The following MYOM3 variants were observed in gnomAD, a reference collection of about 807,000 sequenced individuals.
The protein encoded by MYOM3 is myomesin 3.
A neutral mutation model predicts 191.7 loss-of-function variants in MYOM3; 155 were observed. The ratio of observed to expected loss-of-function variants is 0.81; its 90% CI spans 0.71 to 0.92. MYOM3 has a LOEUF of 0.92. Among genes scored for constraint, MYOM3 ranks in the 40% least tolerant of loss-of-function variants. The probability of loss-of-function intolerance (pLI) is 0.00; values close to 1 mark genes in which losing one functional copy is unlikely to be tolerated. For missense variants in MYOM3, 1,889 were observed against 1,890.6 expected (o/e 1.00, Z 0.02); for synonymous variants, 757 against 762.9 (o/e 0.99, Z 0.13).
rs1643384026 is a variant in MYOM3, at chr1:24,062,594, G to C, written c.3771-485C>G. On this transcript the variant is annotated intron_variant, in intron 32 of 36. Coordinates refer to ENST00000374434, the MANE Select transcript of MYOM3 (RefSeq NM_152372.4). Reference sequence around the variant, plus strand: ...CTGTTGGATTATCTGGGGCCACTCAGAGAGTGGCTGAGTCTCTGTGGGTAC... The same window carrying C: ...CTGTTGGATTATCTGGGGCCACTCACAGAGTGGCTGAGTCTCTGTGGGTAC... Among the ~76,000 whole-genome samples the C allele has an allele frequency of 2.0e-5, 3 of 152,208 alleles. No homozygotes were observed. The South Asian group carries it at 6.2e-4, about 32-fold the overall frequency.
intron 20 of MYOM3, among the ~76,000 whole-genome samples, chr1:24,078,123 AT>A (rs34824932): frequency 1.3e-3 from 186 of 145,780 alleles, no homozygotes; most frequent in Middle Eastern, 3.5e-3. Context: ...ATTTTTAGAG[AT>A]TTTTTTTTTT....
chr1:24,090,113 G>T lies in MYOM3; in HGVS notation c.1438C>A (p.Pro480Thr). Residue 480 changes from proline to threonine, a missense_variant, in exon 13 of 37, where the codon CCC becomes ACC. Transcript: ENST00000374434. Reference protein sequence around the residue: ...HDAARRKTEIPFDLGNKITIS... With the variant: ...HDAARRKTEITFDLGNKITIS... ...GTGATCTTGTTTCCCAGATCAAAGG[G>T]GATCTCTAGGATGAGAAGGGAGCAT... is the stretch of plus-strand genomic sequence containing the variant. The T allele has an allele frequency of 1.2e-6, 2 of 1,613,836 alleles. No homozygotes were observed.
At chr1:24,100,254 G>A (rs890224446) in intron 5 of MYOM3, among the ~76,000 whole-genome samples, 4 of 152,208 alleles carry the variant, frequency 2.6e-5, no homozygotes, top group African/African-American at 9.7e-5. Flanking sequence ...CCTGACTCGT[G>A]AAATGGCGGT....
Position 24,092,922 on chromosome 1 carries a change from A to G in MYOM3, c.1090+25T>C, listed in dbSNP as rs376556013. The stretch of plus-strand genomic sequence containing the variant: ...CCCTGGTCTCTGGGCTCCTGCTGCT[A>G]CCCTGCGCCCACCCATGCCCTCACC... On this transcript the variant is annotated intron_variant, in intron 10 of 36. Coordinates refer to ENST00000374434, the MANE Select transcript of MYOM3 (RefSeq NM_152372.4). 9 of 1,500,650 alleles carry G rather than the reference A, an allele frequency of 6.0e-6. 1 individual carries two copies. In the African/African-American group the frequency reaches 1.3e-4, roughly 21 times the overall value. 93.0% of individuals were successfully genotyped at this position (1,500,650 alleles called of 1,614,324 possible).
chr1:24,085,334 A>C (rs1643726309), intron 15 of MYOM3, among the ~76,000 whole-genome samples: 1 of 152,014 alleles, frequency 6.6e-6, no homozygotes, highest in Non-Finnish European at 1.5e-5. Flanking sequence ...AGGTGGATAC[A>C]TGGATGAATA....
chr1:24,087,686 G>C lies in MYOM3; in HGVS notation c.1615-859C>G, dbSNP rs1570874860. 6.6e-6 allele frequency among the ~76,000 whole-genome samples: 1 copy of C among 152,088 alleles called. No individual in the cohort carries two copies. The highest frequency in any genetic ancestry group is 1.9e-4 in the East Asian group (1 of 5,186). ...GCCACTCCATCTAAAAATGTCAGCA[G>C]CTCCTCTCCCCACACTTCAAGTTCC... On this transcript the variant is annotated intron_variant, in intron 14 of 36. Transcript: ENST00000374434. This position sits in a 1 kb window ranked among gnomAD's most constrained non-coding sequence, Gnocchi z 4.5.
At chr1:24,099,655 G>C (rs1643897871) in intron 6 of MYOM3, 25 bp downstream of exon 6, 1 of 1,578,052 alleles carries the variant, frequency 6.3e-7, no homozygotes, top group Non-Finnish European at 8.7e-7. Flanking sequence ...TGGGGTCATA[G>C]GTCTCTCCAG....
At position 24,068,372 on chromosome 1, in the gene MYOM3, A is replaced by G. The variant is rs748831447; in HGVS notation, c.3151-5T>C. ...GTCAAAATTGATTTTGCGGTTCTGA[A>G]AAGGACAAACTCCAGAGTCCTTTTC... is the stretch of plus-strand genomic sequence containing the variant. On this transcript the variant is annotated splice_polypyrimidine_tract_variant and splice_region_variant and intron_variant, in intron 25 of 36. Transcript: ENST00000374434. 1.8e-5 allele frequency: 29 copies of G among 1,614,014 alleles called. No individual in the cohort carries two copies. The highest frequency in any genetic ancestry group is 1.8e-4 in the East Asian group (8 of 44,896).
At chr1:24,078,073 C>T (rs1463331387) in intron 20 of MYOM3, among the ~76,000 whole-genome samples, 1 of 152,100 alleles carries the variant, frequency 6.6e-6, no homozygotes, top group African/African-American at 2.4e-5. Flanking sequence ...CTGGCAGGCT[C>T]TCCCCCAGAG....
chr1:24,070,499 G>A (rs1643517594), intron 25 of MYOM3, among the ~76,000 whole-genome samples: 1 of 152,042 alleles, frequency 6.6e-6, no homozygotes, highest in Non-Finnish European at 1.5e-5. Flanking sequence ...GAGGTGGGAG[G>A]ATCGCTTGAG....
Position 24,090,803 on chromosome 1 carries a change from T to C in MYOM3, c.1426A>G (p.Lys476Glu), listed in dbSNP as rs1643809351. 1.2e-6 allele frequency: 2 copies of C among 1,613,936 alleles called. No homozygotes were observed. The highest frequency in any genetic ancestry group is 1.7e-6 in the Non-Finnish European group (2 of 1,180,024). The change falls in exon 12 of 37, where the codon AAG becomes GAG. Residue 476 changes from lysine (K) to glutamate (E), a missense_variant. Coordinates refer to ENST00000374434, the MANE Select transcript of MYOM3 (RefSeq NM_152372.4). Reference protein sequence around the residue: ...VMGDHDAARRKTEIPFDLGNK... With the variant: ...VMGDHDAARRETEIPFDLGNK... Reference sequence around the variant, plus strand: ...TTAGGACCTCTGTACCCACCTGTCTTCCTCCGGGCTGCATCATGGTCACCC... The same window carrying C: ...TTAGGACCTCTGTACCCACCTGTCTCCCTCCGGGCTGCATCATGGTCACCC...
chr1:24,061,249 C>T (rs1441576570), intron 34 of MYOM3, 24 bp downstream of exon 34: 1 of 1,613,968 alleles, frequency 6.2e-7, no homozygotes, highest in Admixed American at 1.7e-5. Flanking sequence ...ATAATTCACA[C>T]TGAGAAATGT....
chr1:24,104,192 G>A lies in MYOM3; in HGVS notation c.560+1728C>T, dbSNP rs915222767. 3.3e-5 allele frequency among the ~76,000 whole-genome samples: 5 copies of A among 152,286 alleles called. 1 individual carries two copies. Among genetic ancestry groups the A allele is most frequent in the South Asian group, 4.2e-4 (2 of 4,812 alleles). On this transcript the variant is annotated intron_variant, in intron 5 of 36. Transcript: ENST00000374434. ...AAGTGAAGTTTTGGGTCAGTGTGAC[G>A]TGGATTCAAATATAAGAGGCTGCTG...
At chr1:24,106,911 C>T (rs751332750) in intron 4 of MYOM3, among the ~76,000 whole-genome samples, 162 bp downstream of exon 4, 2 of 152,200 alleles carry the variant, frequency 1.3e-5, no homozygotes, top group African/African-American at 2.4e-5. Flanking sequence ...AACAGGGATG[C>T]GCTTGCCCGG....
At chr1:24,077,079 G>T (rs1298491822) in intron 20 of MYOM3, among the ~76,000 whole-genome samples, 2 of 151,972 alleles carry the variant, frequency 1.3e-5, no homozygotes, top group Non-Finnish European at 2.9e-5. Flanking sequence ...CCCCTTGGCC[G>T]CCGAAAGTGC....
chr1:24,100,780 G>A (rs1427539885), intron 5 of MYOM3, among the ~76,000 whole-genome samples: 1 of 152,000 alleles, frequency 6.6e-6, no homozygotes, highest in African/African-American at 2.4e-5. Flanking sequence ...CCAGCTACTC[G>A]GGAGGTTGAG....
intron 36 of MYOM3, among the ~76,000 whole-genome samples, chr1:24,058,514 A>G (rs1000865119): frequency 5.9e-5 from 9 of 152,224 alleles, no homozygotes; most frequent in Admixed American, 3.3e-4. Context: ...ATGGCTAAAG[A>G]AGCTCAAAAA....
chr1:24,059,264 A>G (rs965319049), intron 35 of MYOM3, among the ~76,000 whole-genome samples: 1 of 152,160 alleles, frequency 6.6e-6, no homozygotes, highest in Non-Finnish European at 1.5e-5. Context: ...CCTCCTGAGC[A>G]GCTGGGACTA....
intron 13 of MYOM3, 98 bp downstream of exon 13, chr1:24,089,967 C>A: frequency 7.9e-7 from 1 of 1,267,842 alleles, no homozygotes; most frequent in Non-Finnish European, 1.1e-6. Context: ...TCATCCCCCA[C>A]ACCCTGCACT....
Sources: gnomAD v4.1 joint callset for allele counts (sites outside exome capture counted in the v4.1 genomes callset) on GRCh38, gnomAD v4.1.1 for gene constraint, Gnocchi (gnomAD v3.1) non-coding constraint, MANE v1.5 for transcripts, NCBI Gene and HGNC (gene_info 2026-07-23, HGNC 2026-07-21) for gene names.